Variants in ENTREP2 observed in about 807,000 individuals in gnomAD.
The protein encoded by ENTREP2 is endosomal transmembrane epsin interactor 2.
chr15:29,570,294 G>A, the ENTREP2 span, among the ~76,000 whole-genome samples: 1 of 151,874 alleles, frequency 6.6e-6, no homozygotes. Context: ...AGCGCAATAG[G>A]AGCGGGAACG....
the ENTREP2 span, among the ~76,000 whole-genome samples, chr15:29,609,233 A>T: frequency 6.7e-5 from 10 of 150,016 alleles, no homozygotes; most frequent in Non-Finnish European, 1.3e-4. Flanking sequence ...CTTTGCCTAG[A>T]ATCTGGTTTA....
At chr15:29,222,493 CCCTCT>C in the ENTREP2 span, among the ~76,000 whole-genome samples, 1 of 152,156 alleles carries the variant, frequency 6.6e-6, no homozygotes, top group Non-Finnish European at 1.5e-5. Flanking sequence ...GATCCAATAG[CCCTCT>C]CTTGGGGTCT....
chr15:29,674,137 G>GGA, the ENTREP2 span, among the ~76,000 whole-genome samples: 12 of 149,046 alleles, frequency 8.1e-5, no homozygotes, highest in East Asian at 1.6e-3. Context: ...ATGGGGGGGG[G>GGA]GGGGGGCTTT....
At chr15:29,487,008 T>C in the ENTREP2 span, among the ~76,000 whole-genome samples, 1 of 152,138 alleles carries the variant, frequency 6.6e-6, no homozygotes, top group Admixed American at 6.5e-5. Flanking sequence ...CTACAATTTA[T>C]TATATATTCT....
chr15:29,427,297 G>A, the ENTREP2 span, among the ~76,000 whole-genome samples: 7 of 152,092 alleles, frequency 4.6e-5, no homozygotes, highest in Admixed American at 1.3e-4. Context: ...ATGGAGAAGC[G>A]GGGTTGAAAA....
chr15:29,538,968 G>A, the ENTREP2 span, among the ~76,000 whole-genome samples: 3 of 152,182 alleles, frequency 2.0e-5, no homozygotes, highest in Admixed American at 6.5e-5. Context: ...TTCAGTTCAA[G>A]TGGCACGTGG....
the ENTREP2 span, among the ~76,000 whole-genome samples, chr15:29,467,227 C>A: frequency 1.3e-5 from 2 of 152,050 alleles, no homozygotes; most frequent in Admixed American, 6.5e-5. Flanking sequence ...AAGGAGAAAT[C>A]GAGATGCCTC....
chr15:29,232,088 G>A, the ENTREP2 span, among the ~76,000 whole-genome samples: 7 of 151,730 alleles, frequency 4.6e-5, no homozygotes, highest in African/African-American at 1.2e-4. Flanking sequence ...ATGGGGTTTC[G>A]CCATGTTGTC....
chr15:29,486,213 A>G, the ENTREP2 span, among the ~76,000 whole-genome samples: 1 of 152,260 alleles, frequency 6.6e-6, no homozygotes, highest in East Asian at 1.9e-4. Flanking sequence ...AGTACTATTC[A>G]CACTTTAAAA....
the ENTREP2 span, among the ~76,000 whole-genome samples, chr15:29,429,190 T>TATCCATCC: frequency 5.6e-3 from 831 of 149,270 alleles, 7 homozygotes; most frequent in East Asian, 0.013. Flanking sequence ...GATGTCTATC[T>TATCCATCC]ATCCATCCAT....
the ENTREP2 span, among the ~76,000 whole-genome samples, chr15:29,386,625 A>T: frequency 1.3e-5 from 2 of 152,208 alleles, no homozygotes; most frequent in Admixed American, 1.3e-4. Context: ...GAGATGTTGA[A>T]TCCCTAACCC....
the ENTREP2 span, among the ~76,000 whole-genome samples, chr15:29,437,061 A>AT: frequency 1.3e-5 from 2 of 152,234 alleles, no homozygotes; most frequent in Non-Finnish European, 2.9e-5. Flanking sequence ...TAGACGTTAC[A>AT]TTCCACTTCA....
At chr15:29,272,327 G>A in the ENTREP2 span, among the ~76,000 whole-genome samples, 779 of 152,226 alleles carry the variant, frequency 5.1e-3, 6 homozygotes, top group African/African-American at 0.018. Flanking sequence ...AAATATAACC[G>A]ACAACAGCCA....
the ENTREP2 span, among the ~76,000 whole-genome samples, chr15:29,362,810 A>C: frequency 6.6e-6 from 1 of 152,218 alleles, no homozygotes; most frequent in South Asian, 2.1e-4. Context: ...GCAAATAAAA[A>C]TAATTGTCAT....
chr15:29,457,247 T>C, the ENTREP2 span, among the ~76,000 whole-genome samples: 1 of 152,244 alleles, frequency 6.6e-6, no homozygotes, highest in Admixed American at 6.5e-5. Context: ...GGAATGTCCC[T>C]GCCCCTGCCA....
chr15:29,413,474 CCTCT>C, the ENTREP2 span, among the ~76,000 whole-genome samples: 1,272 of 152,142 alleles, frequency 8.4e-3, 12 homozygotes, highest in Middle Eastern at 0.014. Flanking sequence ...ATGTAATGAG[CCTCT>C]CTCTAACAAG....
At chr15:29,222,007 G>A in the ENTREP2 span, among the ~76,000 whole-genome samples, 1 of 152,244 alleles carries the variant, frequency 6.6e-6, no homozygotes, top group South Asian at 2.1e-4. Flanking sequence ...GTTGTTGTCA[G>A]AGGTGTTTGA....
At chr15:29,313,700 A>C in the ENTREP2 span, among the ~76,000 whole-genome samples, 1 of 152,250 alleles carries the variant, frequency 6.6e-6, no homozygotes, top group Non-Finnish European at 1.5e-5. Flanking sequence ...TTTTTCTGCC[A>C]GCCAATACAT....
At chr15:29,218,443 T>A in the ENTREP2 span, among the ~76,000 whole-genome samples, 1 of 152,204 alleles carries the variant, frequency 6.6e-6, no homozygotes, top group Admixed American at 6.5e-5. Context: ...ACCACCATTC[T>A]TCATAGGATT....
Sources: gnomAD v4.1 joint callset for allele counts (sites outside exome capture counted in the v4.1 genomes callset) on GRCh38, gnomAD v4.1.1 for gene constraint, MANE v1.5 for transcripts, NCBI Gene and HGNC (gene_info 2026-07-23, HGNC 2026-07-21) for gene names.